Variants in TPM4 observed in about 807,000 individuals in gnomAD.
TPM4 encodes the protein tropomyosin alpha-4 chain.
In TPM4, 17 loss-of-function variants were observed where a neutral mutation model predicts 35.8. The observed-to-expected ratio is 0.47, with a 90% CI of 0.32 to 0.71. TPM4 has a LOEUF of 0.71. Among genes scored for constraint, TPM4 ranks in the 30% least tolerant of loss-of-function variants. The probability of loss-of-function intolerance (pLI) is 0.03; values close to 1 mark genes in which losing one functional copy is unlikely to be tolerated. For synonymous variants in TPM4, 120 were observed against 122.9 expected (o/e 0.98, Z 0.15); for missense variants, 240 against 320.9 (o/e 0.75, Z 1.93).
intron 7 of TPM4, 76 bp from the exon 8 acceptor site, chr19:16,101,188 A>C (rs577879743): frequency 1.6e-6 from 2 of 1,283,062 alleles, no homozygotes; most frequent in African/African-American, 3.1e-5. Context: ...AGAAAAAAAA[A>C]CAAATCTTTT....
chr19:16,099,784 G>C (rs888623612), intron 7 of TPM4: 2 of 152,056 alleles, frequency 1.3e-5, no homozygotes, highest in Non-Finnish European at 2.9e-5. Context: ...GCTCTAAATG[G>C]CGTCTTTTTT....
At position 16,088,861 on chromosome 19, in the gene TPM4, C is replaced by T; in HGVS notation, c.456-184C>T. On this transcript the variant is annotated intron_variant, in intron 4 of 7. Coordinates refer to ENST00000643579, the MANE Select transcript of TPM4 (RefSeq NM_003290.3). The stretch of plus-strand genomic sequence containing the variant: ...CTCGCCTCTGCCTGGTATGATAAGC[C>T]TTTGATAAGCCCATAGTATCACACT... 12 of 1,404,408 alleles carry T rather than the reference C, an allele frequency of 8.5e-6. No homozygotes were observed. In the South Asian group the frequency reaches 1.8e-4, roughly 21 times the overall value. 87.0% of individuals were successfully genotyped at this position (1,404,408 alleles called of 1,614,324 possible).
At chr19:16,069,188 T>A (rs541412247) in intron 2 of TPM4, among the ~76,000 whole-genome samples, 2 of 152,106 alleles carry the variant, frequency 1.3e-5, no homozygotes, top group South Asian at 4.1e-4. Flanking sequence ...TTCTGTTGTG[T>A]GTATTGGTGA....
At chr19:16,090,587 C>G (rs1385706402) in intron 5 of TPM4, among the ~76,000 whole-genome samples, 2 of 152,160 alleles carry the variant, frequency 1.3e-5, no homozygotes, top group Non-Finnish European at 2.9e-5. Context: ...GCTTAAACAT[C>G]ACTTCTGAGA....
At chr19:16,095,739 G>A in intron 7 of TPM4, 1 of 329,496 alleles carries the variant, frequency 3.0e-6, no homozygotes, top group Non-Finnish European at 4.4e-6. Context: ...GCATCTGCAT[G>A]CCAATAATTT....
chr19:16,078,457 T>C (rs1159480195), intron 1 of TPM4, among the ~76,000 whole-genome samples: 1 of 152,170 alleles, frequency 6.6e-6, no homozygotes, highest in Admixed American at 6.5e-5. Flanking sequence ...AGATGGGGGC[T>C]GCAGCATGGG....
chr19:16,076,385 G>C (rs1450411521), upstream of TPM4: 1 of 1,395,544 alleles, frequency 7.2e-7, no homozygotes, highest in East Asian at 2.9e-5. Context: ...TGCTGACGTC[G>C]GCGGTCCGGC....
At chr19:16,075,757 T>C (rs1382243417), upstream of TPM4, 1 of 332,716 alleles carries the variant, frequency 3.0e-6, no homozygotes, top group African/African-American at 2.2e-5. Flanking sequence ...CTGGAAAACA[T>C]TTGGAGTCTT....
chr19:16,082,221 A>T (rs2090492309), intron 2 of TPM4, among the ~76,000 whole-genome samples, 175 bp downstream of exon 2: 1 of 152,212 alleles, frequency 6.6e-6, no homozygotes, highest in Non-Finnish European at 1.5e-5. Flanking sequence ...AGAGATGTTT[A>T]TCCGTGGCCA....
upstream of TPM4, chr19:16,076,155 G>T: frequency 6.4e-7 from 1 of 1,563,464 alleles, no homozygotes; most frequent in South Asian, 1.2e-5. Context: ...GGAGCTCACG[G>T]AGAAGAAGGC....
rs2090772586 is a variant in TPM4 at position 16,102,481 on chromosome 19, A to G, written c.*1135A>G. ...CCACAAGTCATTACTAAGTTGAGCA[A>G]AAGAGTTTTTATCTATTAGCAGAAA... On this transcript the variant is annotated 3_prime_UTR_variant, in exon 8 of 8. Coordinates refer to ENST00000643579, the MANE Select transcript of TPM4 (RefSeq NM_003290.3). The G allele has an allele frequency of 4.4e-6, 1 of 226,916 alleles. No individual in the cohort carries two copies. Among genetic ancestry groups the G allele is most frequent in the South Asian group, 1.8e-4 (1 of 5,480 alleles). 14.1% of individuals were successfully genotyped at this position (226,916 alleles called of 1,614,324 possible).
chr19:16,088,798 A>C (rs979157827), intron 4 of TPM4: 2 of 1,265,436 alleles, frequency 1.6e-6, no homozygotes, highest in African/African-American at 3.1e-5. Flanking sequence ...AAAGACCAGG[A>C]GTGTTTTCCA....
chr19:16,097,953 C>T (rs1396546672), intron 7 of TPM4, among the ~76,000 whole-genome samples: 1 of 152,184 alleles, frequency 6.6e-6, no homozygotes, highest in African/African-American at 2.4e-5. Flanking sequence ...TCTGCAAAAA[C>T]CATTCCCCTC....
chr19:16,096,172 G>A (rs982151420), intron 7 of TPM4, among the ~76,000 whole-genome samples: 2 of 152,030 alleles, frequency 1.3e-5, no homozygotes, highest in African/African-American at 2.4e-5. Flanking sequence ...CTTGTGATCC[G>A]CCTGCCTTGG....
intron 2 of TPM4, among the ~76,000 whole-genome samples, chr19:16,071,299 C>T (rs879922956): frequency 1.3e-5 from 2 of 152,146 alleles, no homozygotes; most frequent in Non-Finnish European, 2.9e-5. Context: ...AGGGCTCAAG[C>T]GATCCTCCCA....
At chr19:16,073,958 A>AC (rs2090378871), upstream of TPM4, among the ~76,000 whole-genome samples, 1 of 120,266 alleles carries the variant, frequency 8.3e-6, no homozygotes, top group Non-Finnish European at 1.7e-5. Context: ...AAAAAAAAAA[A>AC]AACGCAAAAA....
chr19:16,081,396 G>GTTT (rs2090480768), intron 1 of TPM4: 1 of 166,156 alleles, frequency 6.0e-6, no homozygotes, highest in African/African-American at 3.6e-5. Flanking sequence ...TGGGACACTC[G>GTTT]CTTTTTTTTT....
At chr19:16,068,502 G>A (rs759877348) in intron 2 of TPM4, among the ~76,000 whole-genome samples, 8 of 152,154 alleles carry the variant, frequency 5.3e-5, no homozygotes, top group Non-Finnish European at 8.8e-5. Context: ...GCAATTCTCT[G>A]TGTGTGTGCG....
At chr19:16,089,352 T>C (rs539799213) in intron 5 of TPM4, among the ~76,000 whole-genome samples, 1 of 152,236 alleles carries the variant, frequency 6.6e-6, no homozygotes, top group Admixed American at 6.5e-5. Flanking sequence ...CTCAGGAGGA[T>C]AGAGATAGAA....
Sources: gnomAD v4.1 joint callset for allele counts (sites outside exome capture counted in the v4.1 genomes callset) on GRCh38, gnomAD v4.1.1 for gene constraint, MANE v1.5 for transcripts, NCBI Gene and HGNC (gene_info 2026-07-23, HGNC 2026-07-21) for gene names.